TM9SF4: variants seen among roughly 807,000 people sequenced by gnomAD.
TM9SF4 encodes the protein dinucleotide oxidase disulfide thiol exchanger 3 superfamily member 4.
In TM9SF4, 26 loss-of-function variants were observed where a neutral mutation model predicts 90.4. The ratio of observed to expected loss-of-function variants is 0.29; its 90% CI spans 0.21 to 0.40. The LOEUF is 0.40. TM9SF4 is among the 10% of genes least tolerant of loss of function. TM9SF4 has a pLI of 1.00. For synonymous variants in TM9SF4, 293 were observed against 315.4 expected (o/e 0.93, Z 0.75); for missense variants, 549 against 834.8 (o/e 0.66, Z 4.22).
intron 6 of TM9SF4, among the ~76,000 whole-genome samples, chr20:32,143,379 C>T (rs1040215877): frequency 1.3e-5 from 2 of 152,188 alleles, no homozygotes; most frequent in African/African-American, 4.8e-5. Flanking sequence ...ACTAGAGGCT[C>T]AAAAGGAGCT....
In TM9SF4 at chr20:32,166,243, A is replaced by G. The variant is rs1407335841; in HGVS notation, c.*799A>G. ...CTTGCAGTGAACTGTTTTTGTGCCAAGAAACCCTGGACCTGGGGCCAAGTA... is the reference window on the plus strand; with the variant it reads ...CTTGCAGTGAACTGTTTTTGTGCCAGGAAACCCTGGACCTGGGGCCAAGTA... On this transcript the variant is annotated 3_prime_UTR_variant, in exon 18 of 18. Coordinates refer to ENST00000398022, the MANE Select transcript of TM9SF4 (RefSeq NM_014742.4). 1 of 152,834 alleles carries G rather than the reference A, an allele frequency of 6.5e-6. No individual in the cohort carries two copies. The highest frequency in any genetic ancestry group is 2.4e-5 in the African/African-American group (1 of 41,474). 9.5% of individuals were successfully genotyped at this position (152,834 alleles called of 1,614,324 possible). A position where few individuals can be genotyped will look rare whatever the true frequency, so the allele number is the denominator to read the frequency against.
intron 3 of TM9SF4, among the ~76,000 whole-genome samples, chr20:32,136,686 C>T (rs1399270378): frequency 6.6e-6 from 1 of 152,178 alleles, no homozygotes; most frequent in East Asian, 1.9e-4. Context: ...ACAAGTATTC[C>T]ATAACTAGTA....
Position 32,136,101 on chromosome 20 carries a change from C to G in TM9SF4, c.157C>G (p.Gln53Glu). Residue 53 changes from glutamine to glutamate, a missense_variant, in exon 3 of 18, where the codon CAG becomes GAG. Physicochemically the swap from Gln to Glu is conservative, Grantham distance 29 (BLOSUM62 2). Around this residue, in one of 2 missense-constraint regions of TM9SF4, gnomAD observed 495 missense variants for 711.7 expected, o/e 0.70. Coordinates refer to ENST00000398022, the MANE Select transcript of TM9SF4 (RefSeq NM_014742.4). The part of the protein sequence containing the change: ...KAVKLTSSRT[Q>E]LPYEYYSLPF... ...TGTGAAGCTCACCAGCTCTCGAACC[C>G]AGCTACCTTATGAATACTATTCACT... The G allele has an allele frequency of 6.2e-7, 1 of 1,614,162 alleles. No homozygotes were observed. The highest frequency in any genetic ancestry group is 8.5e-7 in the Non-Finnish European group (1 of 1,180,006).
In TM9SF4 at chr20:32,115,806, G is replaced by GTTTTTTTTTTTTTTTTTTTTTTTTTTTTT. The variant is rs1243268586; in HGVS notation, c.15+6051_15+6052insTTTTTTTTTTTTTTTTTTTTTTTTTTTTT. Among the ~76,000 whole-genome samples the GTTTTTTTTTTTTTTTTTTTTTTTTTTTTT allele has an allele frequency of 2.8e-5, 3 of 106,306 alleles. 1 individual carries two copies. Among genetic ancestry groups the GTTTTTTTTTTTTTTTTTTTTTTTTTTTTT allele is most frequent in the Non-Finnish European group, 3.7e-5 (2 of 54,314 alleles). The allele number at this position is 106,306 out of a possible 152,430, so 69.7% of individuals were successfully genotyped here. A position where few individuals can be genotyped will look rare whatever the true frequency, so the allele number is the denominator to read the frequency against. ...GTAATAACAAAACCTACCACTTTAA[G>GTTTTTTTTTTTTTTTTTTTTTTTTTTTTT]CTTTTTTTTTTTTTTTTTTTTTTTT... On this transcript the variant is annotated intron_variant, in intron 1 of 17. Transcript: ENST00000398022.
At chr20:32,135,295 G>A (rs970220083) in intron 2 of TM9SF4, among the ~76,000 whole-genome samples, 1 of 152,048 alleles carries the variant, frequency 6.6e-6, no homozygotes, top group Non-Finnish European at 1.5e-5. Context: ...GCTTTGAGTT[G>A]AAGTTATTTT....
In TM9SF4 at chr20:32,141,898, A is replaced by G. The variant is rs780672519; in HGVS notation, c.528+3A>G. On this transcript the variant is annotated splice_donor_region_variant and intron_variant, in intron 5 of 17. Transcript: ENST00000398022. ...TCGGCTTCACAGATGTCAACAAGGT[A>G]GAGTGTCTTTGGCGTGCTCACAGGA... The G allele has an allele frequency of 2.5e-5, 40 of 1,613,876 alleles. No individual in the cohort carries two copies. The African/African-American group carries it at 4.3e-4, about 17-fold the overall frequency.
At chr20:32,161,566 A>G (rs1185286489) in intron 17 of TM9SF4, among the ~76,000 whole-genome samples, 1 of 152,200 alleles carries the variant, frequency 6.6e-6, no homozygotes, top group African/African-American at 2.4e-5. Flanking sequence ...TGTTTGGGAG[A>G]CAAAGGCCAT....
intron 1 of TM9SF4, 38 bp from the exon 2 acceptor site, chr20:32,132,975 C>T: frequency 6.3e-7 from 1 of 1,587,278 alleles, no homozygotes. Context: ...TTCTTCACTT[C>T]TTCTCCCCAA....
chr20:32,141,304 G>A (rs539809543), intron 3 of TM9SF4, among the ~76,000 whole-genome samples, 193 bp from the exon 4 acceptor site: 2 of 152,062 alleles, frequency 1.3e-5, no homozygotes, highest in South Asian at 4.2e-4. Context: ...CCCAAAGGAG[G>A]AGGGTGGCAG....
chr20:32,133,121 A>G lies in TM9SF4; in HGVS notation c.124A>G (p.Ile42Val), dbSNP rs1195553604. The G allele has an allele frequency of 6.2e-7, 1 of 1,614,094 alleles. No individual in the cohort carries two copies. The highest frequency in any genetic ancestry group is 8.5e-7 in the Non-Finnish European group (1 of 1,179,986). ...CTTCCACCAGAACGATCCCGTAGAA[A>G]TCAAGGTAAGTGTGTTCCTGGATTT... ...INFHQNDPVE[I>V]KAVKLTSSRT... The change falls in exon 2 of 18, where the codon ATC (isoleucine) becomes GTC (valine). Residue 42 changes from isoleucine to valine, a missense_variant. Ile to Val is a conservative substitution (Grantham distance 29). This residue lies in a region of TM9SF4 where 495 missense variants were observed against 711.7 expected (regional missense o/e 0.70). Transcript: ENST00000398022.
At chr20:32,129,875 C>T in intron 1 of TM9SF4, among the ~76,000 whole-genome samples, 1 of 152,222 alleles carries the variant, frequency 6.6e-6, no homozygotes, top group East Asian at 1.9e-4. Flanking sequence ...GCATGAGCTA[C>T]TGCGCCTGGC....
intron 15 of TM9SF4, 87 bp downstream of exon 15, chr20:32,158,601 A>G (rs2046966408): frequency 7.2e-7 from 1 of 1,385,484 alleles, no homozygotes; most frequent in African/African-American, 1.4e-5. Flanking sequence ...CTACTGCCTG[A>G]GAAAGTTCAG....
intron 1 of TM9SF4, among the ~76,000 whole-genome samples, chr20:32,127,421 G>A (rs1231284541): frequency 6.6e-6 from 1 of 152,086 alleles, no homozygotes; most frequent in Admixed American, 6.6e-5. Flanking sequence ...AACACCATCT[G>A]CGAAATGGTG....
chr20:32,132,468 A>G (rs1428840886), intron 1 of TM9SF4, among the ~76,000 whole-genome samples: 1 of 151,580 alleles, frequency 6.6e-6, no homozygotes, highest in African/African-American at 2.4e-5. Context: ...CACAGTAAAG[A>G]CGAAGGCCCT....
At chr20:32,120,883 A>G (rs946693589) in intron 1 of TM9SF4, among the ~76,000 whole-genome samples, 1 of 152,226 alleles carries the variant, frequency 6.6e-6, no homozygotes, top group Non-Finnish European at 1.5e-5. Flanking sequence ...TTCTACATCT[A>G]TTATGATGAT....
In TM9SF4 at chr20:32,143,112, G is replaced by C. The variant is rs199815568; in HGVS notation, c.652+7G>C. ...CAGAGCATCAGGCTGGAGGGTGAGT[G>C]GGGAGGTGTGGCCGGAGGGGCAGGG... On this transcript the variant is annotated splice_region_variant and intron_variant, in intron 6 of 17. Transcript: ENST00000398022. 2 of 1,612,376 alleles carry C rather than the reference G, an allele frequency of 1.2e-6. No homozygotes were observed. Among genetic ancestry groups the C allele is most frequent in the East Asian group, 2.2e-5 (1 of 44,810 alleles).
At chr20:32,143,222 G>A in intron 6 of TM9SF4, 117 bp downstream of exon 6, 2 of 1,304,596 alleles carry the variant, frequency 1.5e-6, no homozygotes, top group Admixed American at 2.4e-5. Context: ...GTGGCGTGTG[G>A]GCCCAGCCAA....
intron 16 of TM9SF4, 106 bp downstream of exon 16, chr20:32,160,217 C>G: frequency 6.6e-7 from 1 of 1,523,998 alleles, no homozygotes; most frequent in South Asian, 1.2e-5. Flanking sequence ...TCATGTGGCC[C>G]CTGCTTCTGG....
chr20:32,156,755 C>G (rs144762793), intron 13 of TM9SF4, among the ~76,000 whole-genome samples: 1 of 151,740 alleles, frequency 6.6e-6, no homozygotes, highest in African/African-American at 2.4e-5. Flanking sequence ...CTACAGGTGT[C>G]ACCACCACAC....
Sources: gnomAD v4.1 joint callset for allele counts (sites outside exome capture counted in the v4.1 genomes callset) on GRCh38, gnomAD v4.1.1 for gene constraint, gnomAD v4.1.1 regional missense constraint, MANE v1.5 for transcripts, NCBI Gene and HGNC (gene_info 2026-07-23, HGNC 2026-07-21) for gene names.